The following PRAME variants were observed in gnomAD, a reference collection of about 807,000 sequenced individuals.
PRAME encodes melanoma antigen preferentially expressed in tumors.
PRAME carries 21 observed loss-of-function variants against 32.1 expected under a neutral mutation model. The ratio of observed to expected loss-of-function variants is 0.65; its 90% CI spans 0.46 to 0.94. The LOEUF (loss-of-function observed/expected upper bound fraction) is 0.94. Among genes scored for constraint, PRAME ranks in the 40% least tolerant of loss-of-function variants. PRAME has a pLI of 0.00. For missense variants in PRAME, 651 were observed against 622.3 expected (o/e 1.05, Z -0.49); for synonymous variants, 274 against 251.5 (o/e 1.09, Z -0.85).
chr22:22,556,763 G>C, intron 3 of PRAME, 49 bp downstream of exon 3: 1 of 1,609,812 alleles, frequency 6.2e-7, no homozygotes, highest in Non-Finnish European at 8.5e-7. Flanking sequence ...AGGACAGAGG[G>C]GAACAGGGCT....
Position 22,557,555 on chromosome 22 carries a change from A to T in PRAME, c.-88T>A, listed in dbSNP as rs544157572. ...AGGGCTCGAACTTACGTTTTTCCTC[A>T]GAGAGTTCACCACACCGCGAAGTTG... On this transcript the variant is annotated 5_prime_UTR_variant, in exon 2 of 6. Transcript: ENST00000405655. 1 of 150,806 alleles carries T rather than the reference A, an allele frequency of 6.6e-6. No homozygotes were observed. The highest frequency in any genetic ancestry group is 2.1e-4 in the South Asian group (1 of 4,728). The allele number at this position is 150,806 out of a possible 1,614,324, so 9.3% of individuals were successfully genotyped here.
Position 22,549,886 on chromosome 22 carries a change from G to C in PRAME, c.793C>G (p.Leu265Val), listed in dbSNP as rs143288087. The C allele has an allele frequency of 5.1e-5, 83 of 1,613,870 alleles. No homozygotes were observed. In the African/African-American group the frequency reaches 8.1e-4, roughly 16 times the overall value. Residue 265 changes from leucine to valine, a missense_variant, in exon 5 of 6, where the codon CTC becomes GTC. Leu to Val is a conservative substitution (Grantham distance 32, BLOSUM62 1). Transcript: ENST00000405655. Reference protein sequence around the residue: ...YLGQMINLRRLLLSHIHASSY... With the variant: ...YLGQMINLRRVLLSHIHASSY... ...GATGCATGGATGTGGGAGAGGAGGA[G>C]TCTACGCAGATTAATCATCTGGCCC...
chr22:22,547,845 A>G lies in PRAME; in HGVS notation c.*222T>C. 3 of 583,294 alleles carry G rather than the reference A, an allele frequency of 5.1e-6. No homozygotes were observed. Among genetic ancestry groups the G allele is most frequent in the Non-Finnish European group, 9.1e-6 (3 of 331,482 alleles). 36.1% of individuals were successfully genotyped at this position (583,294 alleles called of 1,614,324 possible). On this transcript the variant is annotated 3_prime_UTR_variant, in exon 6 of 6. Transcript: ENST00000405655. Reference sequence around the variant, plus strand: ...AACTCTATAAGATGTATCTCCCCAAAGATCACATTAACTCCTCAAGTCAAC... The same window carrying G: ...AACTCTATAAGATGTATCTCCCCAAGGATCACATTAACTCCTCAAGTCAAC...
chr22:22,548,952 A>C (rs1274613124), intron 5 of PRAME, among the ~76,000 whole-genome samples: 1 of 151,940 alleles, frequency 6.6e-6, no homozygotes, highest in Non-Finnish European at 1.5e-5. Flanking sequence ...TGATGTCTCA[A>C]GCAAGGAAAG....
In PRAME at chr22:22,556,875, A is replaced by T; in HGVS notation, c.-43T>A. On this transcript the variant is annotated 5_prime_UTR_variant, in exon 3 of 6. Coordinates refer to ENST00000405655, the MANE Select transcript of PRAME (RefSeq NM_206956.3). ...TGGCCTCAGGACCTCCAACGCTTGG[A>T]TTTCTAGGTCTCAGTCACTTGTTGC... The T allele has an allele frequency of 6.2e-7, 1 of 1,612,292 alleles. No individual in the cohort carries two copies. Among genetic ancestry groups the T allele is most frequent in the Non-Finnish European group, 8.5e-7 (1 of 1,179,498 alleles).
rs753675074 is a variant in PRAME, at chr22:22,548,549, G to A, written c.1048C>T (p.Gln350Ter). Residue 350 changes from glutamine to a stop codon, truncating the protein, a stop_gained, in exon 6 of 6, where the codon CAG (glutamine) becomes TAG (stop). Transcript: ENST00000405655. LOFTEE classifies it low-confidence loss of function (END_TRUNC). Reference protein sequence around the residue: ...MHLSQSPSVSQLSVLSLSGVM... With the variant: ...MHLSQSPSVS ...CCACTTAGACTCAGGACACTTAGCT[G>A]ACTGACGCTGGGACTCTGGGACAGA... 3 of 1,613,504 alleles carry A rather than the reference G, an allele frequency of 1.9e-6. No individual in the cohort carries two copies. The Admixed American group carries it at 5.0e-5, about 27-fold the overall frequency.
chr22:22,550,825 T>A lies in PRAME; in HGVS notation c.286A>T (p.Thr96Ser). 1.9e-6 allele frequency: 3 copies of A among 1,611,982 alleles called. No individual in the cohort carries two copies. Among genetic ancestry groups the A allele is most frequent in the Non-Finnish European group, 2.5e-6 (3 of 1,178,724 alleles). ...LMKGQHLHLE[T>S]FKAVLDGLDV... ...AGTCCATCAAGCACAGCTTTGAAGG[T>A]CTCCAGGTGAAGATGTTGTCCCTTC... is the stretch of plus-strand genomic sequence containing the variant. The change falls in exon 4 of 6, where the codon ACC becomes TCC. Residue 96 changes from threonine to serine, a missense_variant. Transcript: ENST00000405655.
intron 4 of PRAME, 89 bp from the exon 5 acceptor site, chr22:22,550,423 A>T: frequency 6.8e-7 from 1 of 1,473,450 alleles, no homozygotes; most frequent in Non-Finnish European, 9.1e-7. Flanking sequence ...GGTAAGAACC[A>T]AACAGACATC....
intron 2 of PRAME, 197 bp from the exon 3 acceptor site, chr22:22,557,106 GAAC>G (rs2147061445): frequency 5.5e-6 from 3 of 540,708 alleles, no homozygotes; most frequent in Non-Finnish European, 1.0e-5. Flanking sequence ...GGGGCAGGAG[GAAC>G]AACAGACCAT....
At position 22,547,745 on chromosome 22, in the gene PRAME, A is replaced by G. The variant is rs1289340982; in HGVS notation, c.*322T>C. 2.9e-6 allele frequency: 1 copy of G among 350,122 alleles called. No individual in the cohort carries two copies. Among genetic ancestry groups the G allele is most frequent in the Non-Finnish European group, 5.1e-6 (1 of 194,324 alleles). The allele number at this position is 350,122 out of a possible 1,614,324, so 21.7% of individuals were successfully genotyped here. A position where few individuals can be genotyped will look rare whatever the true frequency, so the allele number is the denominator to read the frequency against. On this transcript the variant is annotated 3_prime_UTR_variant, in exon 6 of 6. Transcript: ENST00000405655. Reference sequence around the variant, plus strand: ...TTATTTTCAACAGTTTCTTTACAACAGTCTACACAGGGATTAACTCCTACA... The same window carrying G: ...TTATTTTCAACAGTTTCTTTACAACGGTCTACACAGGGATTAACTCCTACA...
Position 22,547,931 on chromosome 22 carries a change from C to T in PRAME, c.*136G>A. ...CTGAACATTTGTCTGAATGTTTTTT[C>T]CTCACTGAACATGTTTTCCTCACTC... On this transcript the variant is annotated 3_prime_UTR_variant, in exon 6 of 6. Transcript: ENST00000405655. The T allele has an allele frequency of 1.0e-6, 1 of 985,728 alleles. No individual in the cohort carries two copies. The highest frequency in any genetic ancestry group is 1.6e-5 in the South Asian group (1 of 61,532). The allele number at this position is 985,728 out of a possible 1,614,324, so 61.1% of individuals were successfully genotyped here.
At position 22,551,980 on chromosome 22, in the gene PRAME, A is replaced by T. The variant is rs1020346573; in HGVS notation, c.22-891T>A. On this transcript the variant is annotated intron_variant, in intron 3 of 5. Transcript: ENST00000405655. ...CTACAGTTACCATCTTGTATACTAG[A>T]TATCTTGAAAAAGCCTCCACCCTCC... 5.9e-5 allele frequency among the ~76,000 whole-genome samples: 9 copies of T among 151,532 alleles called. No homozygotes were observed. In the Admixed American group the frequency reaches 5.9e-4, roughly 10 times the overall value.
intron 2 of PRAME, 158 bp from the exon 3 acceptor site, chr22:22,557,067 G>C (rs759919716): frequency 5.1e-6 from 3 of 592,992 alleles, no homozygotes; most frequent in Non-Finnish European, 9.0e-6. Context: ...CTCCAAACCT[G>C]AGCACCAGTG....
At chr22:22,557,291 G>C in intron 2 of PRAME, 1 of 214,404 alleles carries the variant, frequency 4.7e-6, no homozygotes, top group East Asian at 1.0e-4. Context: ...CATTACAAAT[G>C]CGCACCCACC....
chr22:22,552,635 TAAA>T (rs2062657840), intron 3 of PRAME, among the ~76,000 whole-genome samples: 1 of 151,922 alleles, frequency 6.6e-6, no homozygotes, highest in Non-Finnish European at 1.5e-5. Context: ...AATAACCAAA[TAAA>T]AATGTTTGGG....
intron 3 of PRAME, chr22:22,553,091 C>G: frequency 2.7e-6 from 1 of 371,102 alleles, no homozygotes; most frequent in South Asian, 2.0e-5. Flanking sequence ...TGAACAAAAC[C>G]ACCCAGAGAG....
At position 22,550,235 on chromosome 22, in the gene PRAME, C is replaced by T. The variant is rs2062486364; in HGVS notation, c.444G>A (p.Glu148=). ...GNRASLYSFP[E]PEAAQPMTKK... is the part of the protein sequence containing the mutation. ...TTGTCATGGGCTGAGCTGCTTCTGG[C>T]TCTGGAAATGAGTACAGACTGGCCC... Residue 148 remains glutamate, a synonymous_variant, in exon 5 of 6, where the codon GAG becomes GAA. Transcript: ENST00000405655. The T allele has an allele frequency of 6.2e-7, 1 of 1,613,780 alleles. No individual in the cohort carries two copies.
At chr22:22,553,355 A>C (rs1569224735) in intron 3 of PRAME, among the ~76,000 whole-genome samples, 1 of 152,024 alleles carries the variant, frequency 6.6e-6, no homozygotes, top group Non-Finnish European at 1.5e-5. Context: ...AAGGTGGGTC[A>C]AAATTACACT....
chr22:22,555,274 G>A (rs776225190), intron 3 of PRAME, among the ~76,000 whole-genome samples: 1 of 151,794 alleles, frequency 6.6e-6, no homozygotes, highest in African/African-American at 2.4e-5. Flanking sequence ...GGTCCTTCAG[G>A]TGTTTTTTTT....
Sources: allele counts gnomAD v4.1 joint callset (sites outside exome capture counted in the v4.1 genomes callset), GRCh38; gene constraint gnomAD v4.1.1; transcripts MANE v1.5; gene names NCBI Gene and HGNC (gene_info 2026-07-23, HGNC 2026-07-21).